Variants in CADPS2 observed in about 807,000 individuals in gnomAD.
CADPS2 encodes the protein calcium-dependent secretion activator 2.
A neutral mutation model predicts 172.5 loss-of-function variants in CADPS2; 93 were observed. That is an observed-to-expected ratio of 0.54 (90% CI 0.46 to 0.64). The LOEUF is 0.64. Ranked by LOEUF, CADPS2 falls within the 30% of genes least tolerant of loss-of-function variation. The pLI, the probability that CADPS2 is intolerant of heterozygous loss-of-function variation, is 0.00. For missense variants in CADPS2, 1,420 were observed against 1,565.9 expected, an observed-to-expected ratio of 0.91 and a Z score of 1.57; for synonymous variants, 546 against 555.2, an observed-to-expected ratio of 0.98 and a Z score of 0.23.
At chr7:122,810,225 A>G (rs1465850132) in intron 1 of CADPS2, among the ~76,000 whole-genome samples, 1 of 151,986 alleles carries the variant, frequency 6.6e-6, no homozygotes, top group Non-Finnish European at 1.5e-5. Context: ...CTTCCCCAGA[A>G]CTCTTCAGAT....
At chr7:122,374,436 T>A (rs1244289496) in intron 25 of CADPS2, among the ~76,000 whole-genome samples, 3 of 150,754 alleles carry the variant, frequency 2.0e-5, no homozygotes, top group Non-Finnish European at 3.0e-5. Flanking sequence ...ATAAAATAAA[T>A]AAGTAAAGAA....
rs138889437 is a variant in CADPS2, at chr7:122,568,621, A to G, written c.1335+12558T>C. Among the ~76,000 whole-genome samples, 179 of 152,292 alleles carry G rather than the reference A, an allele frequency of 1.2e-3. 2 individuals carry two copies. Among genetic ancestry groups the G allele is most frequent in the Non-Finnish European group, 1.0e-3 (70 of 68,024 alleles). The stretch of plus-strand genomic sequence containing the variant: ...TTCAGTGGAGAAAGCATTTCAACAG[A>G]CTGTGCTAGAACAACATGTTCAAAT... On this transcript the variant is annotated intron_variant, in intron 7 of 29. Transcript: ENST00000449022.
At chr7:122,326,682 G>GA (rs1430738395) in intron 28 of CADPS2, among the ~76,000 whole-genome samples, 4 of 151,458 alleles carry the variant, frequency 2.6e-5, no homozygotes, top group African/African-American at 7.3e-5. Context: ...AAAAAAATTA[G>GA]AAAAAAAATT....
intron 5 of CADPS2, among the ~76,000 whole-genome samples, chr7:122,617,898 C>A (rs1386914877): frequency 1.3e-5 from 2 of 152,084 alleles, no homozygotes; most frequent in South Asian, 2.1e-4. Flanking sequence ...AAAAAATTAG[C>A]CTGGCTTGGT....
At chr7:122,665,726 T>C (rs2081123528) in intron 2 of CADPS2, among the ~76,000 whole-genome samples, 1 of 152,226 alleles carries the variant, frequency 6.6e-6, no homozygotes, top group Non-Finnish European at 1.5e-5. Context: ...TTTGTACCAT[T>C]GTAAAGTTGA....
intron 9 of CADPS2, among the ~76,000 whole-genome samples, chr7:122,494,053 C>T (rs1278814297): frequency 1.3e-5 from 2 of 152,094 alleles, no homozygotes; most frequent in African/African-American, 4.8e-5. Flanking sequence ...TGAACATCTA[C>T]AATCAGTTGA....
intron 2 of CADPS2, among the ~76,000 whole-genome samples, chr7:122,686,015 C>T (rs1365868890): frequency 6.6e-6 from 1 of 152,108 alleles, no homozygotes; most frequent in Non-Finnish European, 1.5e-5. Context: ...TTTTATGGAC[C>T]CGAACCTAGA....
chr7:122,832,225 A>C, intron 1 of CADPS2, among the ~76,000 whole-genome samples: 1 of 152,220 alleles, frequency 6.6e-6, no homozygotes, highest in South Asian at 2.1e-4. Context: ...GTATTTTGGC[A>C]AAATTACAGT....
At chr7:122,705,464 A>G (rs1207579598) in intron 2 of CADPS2, among the ~76,000 whole-genome samples, 1 of 134,028 alleles carries the variant, frequency 7.5e-6, no homozygotes, top group East Asian at 2.1e-4. Context: ...TATCTATATT[A>G]TATATTATAT....
chr7:122,360,617 C>T (rs1283696519), intron 27 of CADPS2, among the ~76,000 whole-genome samples, 171 bp downstream of exon 27: 1 of 152,060 alleles, frequency 6.6e-6, no homozygotes, highest in African/African-American at 2.4e-5. Context: ...AAAAAGTCAA[C>T]GAAATAACCT....
At chr7:122,656,127 AC>A (rs2079749600) in intron 3 of CADPS2, among the ~76,000 whole-genome samples, 1 of 152,154 alleles carries the variant, frequency 6.6e-6, no homozygotes, top group African/African-American at 2.4e-5. Flanking sequence ...TTGAAAAATT[AC>A]TATAAGCTGG....
intron 17 of CADPS2, chr7:122,421,930 A>T (rs2151815740): frequency 6.6e-6 from 1 of 152,306 alleles, no homozygotes; most frequent in Admixed American, 6.5e-5. Context: ...TCCAAAGTGG[A>T]AGTCTTTCAC....
chr7:122,707,268 A>C (rs1392224314), intron 2 of CADPS2, among the ~76,000 whole-genome samples: 1 of 152,004 alleles, frequency 6.6e-6, no homozygotes, highest in African/African-American at 2.4e-5. Context: ...ATCTAGGCAG[A>C]ATAAAAGAGT....
At chr7:122,729,718 C>T in intron 2 of CADPS2, among the ~76,000 whole-genome samples, 1 of 134,480 alleles carries the variant, frequency 7.4e-6, no homozygotes. Context: ...CCTTTGAGCT[C>T]CTTGTATATT....
At chr7:122,560,833 C>T (rs1039832951) in intron 7 of CADPS2, among the ~76,000 whole-genome samples, 1 of 151,736 alleles carries the variant, frequency 6.6e-6, no homozygotes, top group Admixed American at 6.6e-5. Context: ...AGTGTAGAAC[C>T]TTGAGGTAGC....
At chr7:122,800,663 T>C (rs1023581417) in intron 1 of CADPS2, among the ~76,000 whole-genome samples, 2 of 151,982 alleles carry the variant, frequency 1.3e-5, no homozygotes, top group African/African-American at 4.8e-5. Flanking sequence ...TATAGTAAAA[T>C]AAGAATTTAC....
At chr7:122,725,301 C>T (rs1218715429) in intron 2 of CADPS2, among the ~76,000 whole-genome samples, 1 of 151,892 alleles carries the variant, frequency 6.6e-6, no homozygotes, top group African/African-American at 2.4e-5. Context: ...TGTTTGCAAA[C>T]TACAACTCGT....
chr7:122,885,458 C>T lies in CADPS2; in HGVS notation c.339+541G>A, dbSNP rs907821997. Among the ~76,000 whole-genome samples the T allele has an allele frequency of 2.0e-3, 311 of 152,078 alleles. 8 individuals are homozygous for T. Among genetic ancestry groups the T allele is most frequent in the Admixed American group, 0.02 (306 of 15,268 alleles). ...TGGATTTGATGTCCTGGTTGTATGA[C>T]AATATAGGAAACGTATTAATTTAAC... On this transcript the variant is annotated intron_variant, in intron 1 of 29. Coordinates refer to ENST00000449022, the MANE Select transcript of CADPS2 (RefSeq NM_017954.11).
rs3807872 is a variant in CADPS2, at chr7:122,424,640, T to A, written c.2477-8476A>T. On this transcript the variant is annotated intron_variant, in intron 17 of 29. Coordinates refer to ENST00000449022, the MANE Select transcript of CADPS2 (RefSeq NM_017954.11). ...GATTACTAGAACCCACAAGCAAAAA[T>A]TAGTATTTGGTTTATCATTTGTCAC... Among the ~76,000 whole-genome samples, 68 of 152,290 alleles carry A rather than the reference T, an allele frequency of 4.5e-4. No homozygotes were observed. In the East Asian group the frequency reaches 0.011, roughly 24 times the overall value.
Sources: gnomAD v4.1 joint callset for allele counts (sites outside exome capture counted in the v4.1 genomes callset) on GRCh38, gnomAD v4.1.1 for gene constraint, MANE v1.5 for transcripts, NCBI Gene and HGNC (gene_info 2026-07-23, HGNC 2026-07-21) for gene names.